Variants in GALNT17 observed in about 807,000 individuals in gnomAD.
GALNT17 encodes the protein UDP-GalNAc:polypeptide N-acetylgalactosaminyltransferase-like 3.
In GALNT17, 29 loss-of-function variants were observed where a neutral mutation model predicts 63.7. That is an observed-to-expected ratio of 0.46 (90% CI 0.34 to 0.62). The LOEUF (loss-of-function observed/expected upper bound fraction) is 0.62. Ranked by LOEUF, GALNT17 falls within the 20% of genes least tolerant of loss-of-function variation. The probability of loss-of-function intolerance (pLI) is 0.01; values close to 1 mark genes in which losing one functional copy is unlikely to be tolerated. For synonymous variants in GALNT17, 305 were observed against 318.3 expected (o/e 0.96, Z 0.45); for missense variants, 603 against 799.6 (o/e 0.75, Z 2.97).
chr7:71,403,331 T>C (rs1405259754), intron 3 of GALNT17, among the ~76,000 whole-genome samples: 1 of 152,174 alleles, frequency 6.6e-6, no homozygotes, highest in African/African-American at 2.4e-5. Context: ...AACTAAGAAA[T>C]TGGCTTTGGT....
intron 1 of GALNT17, among the ~76,000 whole-genome samples, chr7:71,237,526 A>G (rs1025925773): frequency 2.7e-4 from 41 of 150,602 alleles, no homozygotes; most frequent in East Asian, 2.1e-3. Flanking sequence ...AAAAAAAAAA[A>G]AAAAAAGAAA....
chr7:71,188,945 T>G (rs1270779510), intron 1 of GALNT17, among the ~76,000 whole-genome samples: 4 of 152,186 alleles, frequency 2.6e-5, no homozygotes, highest in Non-Finnish European at 5.9e-5. Flanking sequence ...CACCTTGGTA[T>G]ATTGATTGCT....
At chr7:71,417,827 C>G (rs1239391505) in intron 4 of GALNT17, among the ~76,000 whole-genome samples, 1 of 152,142 alleles carries the variant, frequency 6.6e-6, no homozygotes, top group East Asian at 1.9e-4. Flanking sequence ...GTCCCTTTCC[C>G]TTGATTTTCC....
intron 5 of GALNT17, among the ~76,000 whole-genome samples, chr7:71,436,766 A>G (rs1786973039): frequency 6.6e-6 from 1 of 152,126 alleles, no homozygotes; most frequent in African/African-American, 2.4e-5. Flanking sequence ...CCATGTTTCC[A>G]CACTTTCGAG....
intron 1 of GALNT17, among the ~76,000 whole-genome samples, chr7:71,314,632 T>C (rs897457849): frequency 6.6e-6 from 1 of 152,178 alleles, no homozygotes; most frequent in Admixed American, 6.5e-5. Context: ...GAGATTAATT[T>C]ACATCCCATG....
At chr7:71,450,898 TTC>T in intron 5 of GALNT17, among the ~76,000 whole-genome samples, 1 of 150,568 alleles carries the variant, frequency 6.6e-6, no homozygotes, top group East Asian at 2.0e-4. Flanking sequence ...TCTAGACTAC[TTC>T]AGATTGCATG....
At chr7:71,558,139 T>C (rs933993525) in intron 5 of GALNT17, among the ~76,000 whole-genome samples, 1 of 152,130 alleles carries the variant, frequency 6.6e-6, no homozygotes, top group Non-Finnish European at 1.5e-5. Context: ...GAGACTGTAC[T>C]CTCCTCCACG....
intron 1 of GALNT17, among the ~76,000 whole-genome samples, chr7:71,242,068 A>AAG (rs370956158): frequency 1.3e-5 from 2 of 151,176 alleles, no homozygotes; most frequent in African/African-American, 4.8e-5. Context: ...GAGAGGGAGC[A>AAG]AGAGAGAGAG....
At chr7:71,621,106 G>A (rs1347891297) in intron 6 of GALNT17, among the ~76,000 whole-genome samples, 1 of 152,126 alleles carries the variant, frequency 6.6e-6, no homozygotes, top group Non-Finnish European at 1.5e-5. Context: ...AAGAAATACA[G>A]CATTCCCATA....
chr7:71,356,283 A>G (rs1302161281), intron 2 of GALNT17, among the ~76,000 whole-genome samples: 3 of 152,196 alleles, frequency 2.0e-5, no homozygotes, highest in African/African-American at 4.8e-5. Flanking sequence ...TTGATTTGCA[A>G]TGATTCACAA....
chr7:71,234,054 A>G (rs1236078306), intron 1 of GALNT17, among the ~76,000 whole-genome samples: 2 of 152,172 alleles, frequency 1.3e-5, no homozygotes, highest in Non-Finnish European at 2.9e-5. Context: ...ACCTCCCACC[A>G]GGTCCCTCTT....
chr7:71,586,994 C>A (rs1789728032), intron 6 of GALNT17, among the ~76,000 whole-genome samples: 1 of 152,016 alleles, frequency 6.6e-6, no homozygotes, highest in South Asian at 2.1e-4. Flanking sequence ...ATTAATCAAG[C>A]TCTCTTCCTC....
At chr7:71,327,998 CA>C (rs1791733142) in intron 1 of GALNT17, among the ~76,000 whole-genome samples, 1 of 152,234 alleles carries the variant, frequency 6.6e-6, no homozygotes, top group East Asian at 1.9e-4. Flanking sequence ...AACCCAAAGC[CA>C]GGGGGGCAGG....
chr7:71,596,821 G>C (rs1001589719), intron 6 of GALNT17, among the ~76,000 whole-genome samples: 1 of 151,988 alleles, frequency 6.6e-6, no homozygotes, highest in Non-Finnish European at 1.5e-5. Context: ...AGGGACCCTA[G>C]CAACACTCAG....
chr7:71,149,943 T>G (rs951801232), intron 1 of GALNT17, among the ~76,000 whole-genome samples: 5 of 152,140 alleles, frequency 3.3e-5, no homozygotes, highest in Admixed American at 2.6e-4. Flanking sequence ...GCATGGGAGC[T>G]TCACCTTCCA....
At chr7:71,585,895 A>G (rs1213130012) in intron 6 of GALNT17, among the ~76,000 whole-genome samples, 1 of 141,578 alleles carries the variant, frequency 7.1e-6, no homozygotes, top group East Asian at 2.2e-4. Context: ...TTCCCGCCCC[A>G]GCAAGCATTT....
intron 1 of GALNT17, among the ~76,000 whole-genome samples, chr7:71,318,420 T>G (rs549452708): frequency 0.015 from 2,139 of 146,906 alleles, 100 homozygotes; most frequent in East Asian, 0.076. Context: ...TCTTTTTTTT[T>G]TGTGTGTGTG....
intron 1 of GALNT17, among the ~76,000 whole-genome samples, chr7:71,278,106 A>G (rs889023185): frequency 6.6e-6 from 1 of 152,204 alleles, no homozygotes; most frequent in Non-Finnish European, 1.5e-5. Flanking sequence ...AAAAAGTAAT[A>G]ATAATGATAC....
intron 9 of GALNT17, among the ~76,000 whole-genome samples, chr7:71,700,889 C>G (rs1231071259): frequency 1.3e-5 from 2 of 152,162 alleles, no homozygotes; most frequent in African/African-American, 4.8e-5. Flanking sequence ...ACCTCGAAAG[C>G]AAGCACTGTG....
Sources: allele counts gnomAD v4.1 joint callset (sites outside exome capture counted in the v4.1 genomes callset), GRCh38; gene constraint gnomAD v4.1.1; transcripts MANE v1.5; gene names NCBI Gene and HGNC (gene_info 2026-07-23, HGNC 2026-07-21).